Variants in CDK12 observed in about 807,000 individuals in gnomAD.
CDK12 encodes the protein cyclin-dependent kinase 12.
A neutral mutation model predicts 133.8 loss-of-function variants in CDK12; 17 were observed. That is an observed-to-expected ratio of 0.13 (90% CI 0.09 to 0.19). CDK12 has a LOEUF of 0.19. Ranked by LOEUF, CDK12 falls within the 10% of genes least tolerant of loss-of-function variation. The pLI, the probability that CDK12 is intolerant of heterozygous loss-of-function variation, is 1.00. For synonymous variants in CDK12, 694 were observed against 683.6 expected (o/e 1.02, Z -0.24); for missense variants, 1,508 against 1,818.7 (o/e 0.83, Z 3.11).
At chr17:39,480,929 A>G (rs1055532690) in intron 2 of CDK12, among the ~76,000 whole-genome samples, 4 of 152,186 alleles carry the variant, frequency 2.6e-5, no homozygotes, top group Non-Finnish European at 5.9e-5. Context: ...TTTCTGCCTT[A>G]AGTAGATCAT....
chr17:39,516,788 G>A (rs1327335347), intron 9 of CDK12, among the ~76,000 whole-genome samples: 1 of 147,958 alleles, frequency 6.8e-6, no homozygotes, highest in Non-Finnish European at 1.5e-5. Context: ...TCAGCCTCCC[G>A]AGTAGCTGGG....
chr17:39,482,625 CAG>C (rs924377755), intron 2 of CDK12, among the ~76,000 whole-genome samples: 1 of 21,864 alleles, frequency 4.6e-5, no homozygotes, highest in African/African-American at 6.8e-5. Flanking sequence ...TTTTTTGAGG[CAG>C]AGTGTCTCTC....
chr17:39,563,689 C>A (rs2056471032), intron 3 of CDK12, among the ~76,000 whole-genome samples: 1 of 152,138 alleles, frequency 6.6e-6, no homozygotes, highest in Middle Eastern at 3.4e-3. Context: ...GCGGAAAGAG[C>A]GCAGGATGGC....
downstream of CDK12, among the ~76,000 whole-genome samples, chr17:39,536,689 C>A (rs1462061315): frequency 6.6e-6 from 1 of 152,138 alleles, no homozygotes; most frequent in Non-Finnish European, 1.5e-5. Flanking sequence ...GCTTTAATGT[C>A]CTGGTGATTA....
chr17:39,480,500 G>A (rs2050561188), intron 2 of CDK12, among the ~76,000 whole-genome samples: 1 of 151,840 alleles, frequency 6.6e-6, no homozygotes, highest in Non-Finnish European at 1.5e-5. Context: ...GGAGTGCAAT[G>A]GTGCGATCTC....
upstream of CDK12, among the ~76,000 whole-genome samples, chr17:39,545,395 C>T (rs919077345): frequency 6.6e-6 from 1 of 151,886 alleles, no homozygotes; most frequent in Non-Finnish European, 1.5e-5. Context: ...CACCATGTTG[C>T]CCAGGCTGGC....
intron 5 of CDK12, among the ~76,000 whole-genome samples, chr17:39,499,358 GCCACCACGT>G (rs1414845714): frequency 6.7e-6 from 1 of 149,832 alleles, no homozygotes; most frequent in East Asian, 2.0e-4. Context: ...ACAGGTGCAC[GCCACCACGT>G]CCAGGTAATT....
At chr17:39,525,691 G>A (rs188283332) in intron 12 of CDK12, among the ~76,000 whole-genome samples, 173 bp from the exon 13 acceptor site, 6 of 152,212 alleles carry the variant, frequency 3.9e-5, no homozygotes, top group Admixed American at 6.5e-5. Flanking sequence ...TTTCTTAAGC[G>A]AAAGCATAAA....
chr17:39,468,237 C>G (rs1402062744), intron 1 of CDK12, among the ~76,000 whole-genome samples: 1 of 152,088 alleles, frequency 6.6e-6, no homozygotes, highest in Non-Finnish European at 1.5e-5. Context: ...TGGAAGCAAA[C>G]TTGCAAGAAG....
At chr17:39,476,787 A>G (rs904099361) in intron 2 of CDK12, among the ~76,000 whole-genome samples, 4 of 130,700 alleles carry the variant, frequency 3.1e-5, no homozygotes, top group Admixed American at 9.1e-5. Context: ...CAATGGGGCA[A>G]TCTCAGCTCA....
intron 5 of CDK12, among the ~76,000 whole-genome samples, chr17:39,500,270 G>A (rs2052620919): frequency 6.6e-6 from 1 of 152,042 alleles, no homozygotes; most frequent in Non-Finnish European, 1.5e-5. Context: ...GTTTGAGGCT[G>A]TAGTGAGCCA....
chr17:39,540,776 G>A (rs1017629498), intron 1 of CDK12, among the ~76,000 whole-genome samples: 45 of 152,220 alleles, frequency 3.0e-4, no homozygotes, highest in Non-Finnish European at 5.3e-4. Flanking sequence ...TCTTTAGTGC[G>A]GCAGGCGGGG....
At chr17:39,493,802 C>T (rs767330751) in intron 4 of CDK12, among the ~76,000 whole-genome samples, 67 of 151,972 alleles carry the variant, frequency 4.4e-4, no homozygotes, top group Non-Finnish European at 8.5e-4. Flanking sequence ...TGAGACCATC[C>T]TGGCTAACAT....
At chr17:39,505,932 A>G in intron 6 of CDK12, among the ~76,000 whole-genome samples, 1 of 152,188 alleles carries the variant, frequency 6.6e-6, no homozygotes, top group Non-Finnish European at 1.5e-5. Flanking sequence ...AAGTAAAATT[A>G]TAGATGGAAG....
At chr17:39,553,564 C>T (rs1007571258) in intron 2 of CDK12, among the ~76,000 whole-genome samples, 4 of 152,216 alleles carry the variant, frequency 2.6e-5, no homozygotes, top group African/African-American at 9.6e-5. Flanking sequence ...GTGCAGGCAG[C>T]CAGCTCTCTG....
chr17:39,531,398 G>T lies in CDK12; in HGVS notation c.*82G>T. The T allele has an allele frequency of 2.3e-6, 3 of 1,293,660 alleles. No individual in the cohort carries two copies. In the South Asian group the frequency reaches 7.8e-5, roughly 34 times the overall value. 80.1% of individuals were successfully genotyped at this position (1,293,660 alleles called of 1,614,324 possible). On this transcript the variant is annotated 3_prime_UTR_variant, in exon 14 of 14. Transcript: ENST00000447079. ...CTCTGAATCTTTAATGAAATCATTT[G>T]CCAGAGCGAGGTAATCATCTGCATT...
intron 5 of CDK12, among the ~76,000 whole-genome samples, chr17:39,496,016 A>G (rs1377705450): frequency 2.6e-5 from 4 of 151,476 alleles, no homozygotes; most frequent in Non-Finnish European, 5.9e-5. Flanking sequence ...GGTTCAAGCA[A>G]TTCTCCTGCC....
rs191612098 is a variant in CDK12 at position 39,464,143 on chromosome 17, A to G, written c.1046+1026A>G. On this transcript the variant is annotated intron_variant, in intron 1 of 13. Coordinates refer to ENST00000447079, the MANE Select transcript of CDK12 (RefSeq NM_016507.4). ...TGCATAGCACAGTGCCTTGTACATA[A>G]TATCACTCAGTAAATTATGAGTGAG... Among the ~76,000 whole-genome samples, 70 of 152,324 alleles carry G rather than the reference A, an allele frequency of 4.6e-4. No homozygotes were observed. The East Asian group carries it at 0.012, about 27-fold the overall frequency.
At chr17:39,534,668 C>T (rs2055050805), downstream of CDK12, 1 of 203,298 alleles carries the variant, frequency 4.9e-6, no homozygotes, top group East Asian at 7.6e-5. Flanking sequence ...ATTATAGACT[C>T]ATTAACTCCC....
Sources: gnomAD v4.1 joint callset for allele counts (sites outside exome capture counted in the v4.1 genomes callset) on GRCh38, gnomAD v4.1.1 for gene constraint, MANE v1.5 for transcripts, NCBI Gene and HGNC (gene_info 2026-07-23, HGNC 2026-07-21) for gene names.